SH3GLB2: variants seen among roughly 807,000 people sequenced by gnomAD.
SH3GLB2 encodes the protein endophilin-B2.
A neutral mutation model predicts 48.0 loss-of-function variants in SH3GLB2; 24 were observed. The observed-to-expected ratio is 0.50, with a 90% confidence interval of 0.36 to 0.70. SH3GLB2 has a LOEUF of 0.70. Among genes scored for constraint, SH3GLB2 ranks in the 30% least tolerant of loss-of-function variants. The probability of loss-of-function intolerance (pLI) is 0.00; values close to 1 mark genes in which losing one functional copy is unlikely to be tolerated. For synonymous variants in SH3GLB2, 227 were observed against 207.6 expected (o/e 1.09, Z -0.80); for missense variants, 425 against 516.0 (o/e 0.82, Z 1.71).
Position 129,016,694 on chromosome 9 carries a change from G to A in SH3GLB2, c.335-1790C>T, listed in dbSNP as rs1400119187. On this transcript the variant is annotated intron_variant, in intron 3 of 10. Coordinates refer to ENST00000372564, the MANE Select transcript of SH3GLB2 (RefSeq NM_020145.4). ...TTAAATTTAAAGACATGAATGGGCT[G>A]AAAAAAGTACACCATGTATGCAGTA... Among the ~76,000 whole-genome samples the A allele has an allele frequency of 2.0e-5, 3 of 151,896 alleles. No individual in the cohort carries two copies. In the East Asian group the frequency reaches 5.8e-4, roughly 29 times the overall value.
rs1234504167 is a variant in SH3GLB2 at position 129,014,430 on chromosome 9, G to T, written c.542C>A (p.Ala181Asp). The T allele has an allele frequency of 1.9e-6, 3 of 1,550,056 alleles. No homozygotes were observed. In the East Asian group the frequency reaches 7.3e-5, roughly 38 times the overall value. Reference protein sequence around the residue: ...ACKARLKKAKAAEAKATTVPD... With the variant: ...ACKARLKKAKDAEAKATTVPD... ...ACCTACCGTGGCTTTGGCTTCTGCA[G>T]CCTTGGCCTTCTTCAGCCTCGCTTT... is the stretch of plus-strand genomic sequence containing the variant. Residue 181 changes from alanine (A) to aspartate (D), a missense_variant, in exon 5 of 11, where the codon GCT (alanine) becomes GAT (aspartate). Transcript: ENST00000372564. This position sits in a 1 kb window ranked among gnomAD's most constrained non-coding sequence, Gnocchi z 4.1.
chr9:129,019,806 T>C (rs567493957), intron 3 of SH3GLB2, among the ~76,000 whole-genome samples: 5 of 150,644 alleles, frequency 3.3e-5, no homozygotes, highest in African/African-American at 1.2e-4. Flanking sequence ...ACACATAATA[T>C]ATAGCTTATA....
chr9:129,011,808 C>G lies in SH3GLB2; in HGVS notation c.624+428G>C. On this transcript the variant is annotated intron_variant, in intron 6 of 10. Transcript: ENST00000372564. The surrounding 1 kb of genome is among the most constrained non-coding windows in gnomAD (Gnocchi z 4.5). The stretch of plus-strand genomic sequence containing the variant: ...CCCCAGGCGCTCTCCAGGCCTACGA[C>G]GCCATCCCTGCCTCCTGTCTTTAGG... 6.1e-6 allele frequency: 1 copy of G among 165,086 alleles called. No homozygotes were observed. The highest frequency in any genetic ancestry group is 1.3e-5 in the Non-Finnish European group (1 of 76,940). 10.2% of individuals were successfully genotyped at this position (165,086 alleles called of 1,614,324 possible). A position where few individuals can be genotyped will look rare whatever the true frequency, so the allele number is the denominator to read the frequency against.
rs997934700 is a variant in SH3GLB2, at chr9:129,014,581, C to A, written c.469-78G>T. The A allele has an allele frequency of 4.7e-6, 7 of 1,498,972 alleles. No individual in the cohort carries two copies. The African/African-American group carries it at 9.7e-5, about 21-fold the overall frequency. 92.9% of individuals were successfully genotyped at this position (1,498,972 alleles called of 1,614,324 possible). ...TGAGCCATGCATGGCAAGATTGGTGCCGGGGACGATCAAGTCAAGATAGGG... is the reference window on the plus strand; with the variant it reads ...TGAGCCATGCATGGCAAGATTGGTGACGGGGACGATCAAGTCAAGATAGGG... On this transcript the variant is annotated intron_variant, in intron 4 of 10. Coordinates refer to ENST00000372564, the MANE Select transcript of SH3GLB2 (RefSeq NM_020145.4). The surrounding 1 kb of genome is among the most constrained non-coding windows in gnomAD (Gnocchi z 4.1).
In SH3GLB2 at chr9:129,009,814, G is replaced by A; in HGVS notation, c.796C>T (p.Gln266Ter). ...AAGTCCAGCATGTGGCGGTAGCACT[G>A]TGCGTAGTAGGTTGTCTGAGACTTG... ...FVKSQTTYYA[Q>*]CYRHMLDLQK... The change falls in exon 9 of 11, where the codon CAG becomes TAG. Residue 266 changes from glutamine (Q) to a stop codon, truncating the protein, a stop_gained. Transcript: ENST00000372564. LOFTEE classifies it high-confidence loss of function. 2 of 1,614,040 alleles carry A rather than the reference G, an allele frequency of 1.2e-6. No homozygotes were observed. The highest frequency in any genetic ancestry group is 8.5e-7 in the Non-Finnish European group (1 of 1,179,966).
intron 1 of SH3GLB2, among the ~76,000 whole-genome samples, chr9:129,027,564 TC>T (rs895102612): frequency 2.6e-5 from 4 of 151,876 alleles, no homozygotes; most frequent in African/African-American, 9.7e-5. Flanking sequence ...GAAACAGACC[TC>T]CCGTGGAGCA....
rs757138953 is a variant in SH3GLB2 at position 129,022,285 on chromosome 9, G to C, written c.202C>G (p.Pro68Ala). 47 of 1,613,536 alleles carry C rather than the reference G, an allele frequency of 2.9e-5. No individual in the cohort carries two copies. Among genetic ancestry groups the C allele is most frequent in the Middle Eastern group, 3.4e-4 (2 of 5,862 alleles). Reference protein sequence around the residue: ...RQTEVLLQPNPSARVEEFLYE... With the variant: ...RQTEVLLQPNASARVEEFLYE... The stretch of plus-strand genomic sequence containing the variant: ...GGGCCCACGAACACGCACTCACTGG[G>C]GTTGGGCTGCAGCAGCACCTCTGTC... The change falls in exon 2 of 11, where the codon CCC becomes GCC. Residue 68 changes from proline to alanine, a missense_variant. Transcript: ENST00000372564.
At position 129,008,436 on chromosome 9, in the gene SH3GLB2, G is replaced by T; in HGVS notation, c.*248C>A. On this transcript the variant is annotated 3_prime_UTR_variant, in exon 11 of 11. Transcript: ENST00000372564. The stretch of plus-strand genomic sequence containing the variant: ...CCCTCCCTCCTTAGTGGAGCCTGGA[G>T]GGTGGGGTGCTCGGGGATGCAGGCA... The T allele has an allele frequency of 2.1e-6, 1 of 468,302 alleles. No individual in the cohort carries two copies. Among genetic ancestry groups the T allele is most frequent in the Non-Finnish European group, 4.0e-6 (1 of 252,396 alleles). 29.0% of individuals were successfully genotyped at this position (468,302 alleles called of 1,614,324 possible). A position where few individuals can be genotyped will look rare whatever the true frequency, so the allele number is the denominator to read the frequency against.
intron 6 of SH3GLB2, chr9:129,012,003 G>A (rs1843151830): frequency 2.5e-6 from 1 of 393,394 alleles, no homozygotes; most frequent in Non-Finnish European, 4.5e-6. Flanking sequence ...GCCAGCTCCA[G>A]CGTTTTGCAG....
chr9:129,009,243 CCACAGA>C lies in SH3GLB2; in HGVS notation c.937_942del (p.Ser313_Val314del). On this transcript the variant is annotated inframe_deletion, in exon 10 of 11. Coordinates refer to ENST00000372564, the MANE Select transcript of SH3GLB2 (RefSeq NM_020145.4). ...GCCTCCCCCGGAGGGGCCAGGCTGG[CCACAGA>C]GGGCACCACAGGCATAGTGGCCGCA... 1 of 1,592,778 alleles carries C rather than the reference CCACAGA, an allele frequency of 6.3e-7. No individual in the cohort carries two copies. The highest frequency in any genetic ancestry group is 2.3e-5 in the East Asian group (1 of 44,162).
At chr9:129,015,743 T>G (rs1265339495) in intron 3 of SH3GLB2, 1 of 220,102 alleles carries the variant, frequency 4.5e-6, no homozygotes, top group African/African-American at 2.3e-5. Flanking sequence ...CTCACACCTG[T>G]AATCCCAATA....
rs912832181 is a variant in SH3GLB2 at position 129,011,912 on chromosome 9, C to T, written c.624+324G>A. On this transcript the variant is annotated intron_variant, in intron 6 of 10. Coordinates refer to ENST00000372564, the MANE Select transcript of SH3GLB2 (RefSeq NM_020145.4). The surrounding 1 kb of genome is among the most constrained non-coding windows in gnomAD (Gnocchi z 4.5). The stretch of plus-strand genomic sequence containing the variant: ...CTCCCCAGGGCCTGGCATTCAGAGA[C>T]AGCAGGAGGTGGAGGGGCCCTGGGG... The T allele has an allele frequency of 1.3e-5, 4 of 303,540 alleles. No homozygotes were observed. The highest frequency in any genetic ancestry group is 5.1e-5 in the Admixed American group (1 of 19,554). The allele number at this position is 303,540 out of a possible 1,614,324, so 18.8% of individuals were successfully genotyped here. A position where few individuals can be genotyped will look rare whatever the true frequency, so the allele number is the denominator to read the frequency against.
chr9:129,009,737 G>T, intron 9 of SH3GLB2, 34 bp downstream of exon 9: 1 of 1,585,336 alleles, frequency 6.3e-7, no homozygotes, highest in Middle Eastern at 1.7e-4. Context: ...GGAGCCAGGG[G>T]GCCCCAGTGG....
chr9:129,023,912 C>A (rs568359379), intron 1 of SH3GLB2, among the ~76,000 whole-genome samples: 3 of 152,006 alleles, frequency 2.0e-5, no homozygotes, highest in Non-Finnish European at 4.4e-5. Context: ...CAGATTTCCT[C>A]GTGGCTCTAT....
At chr9:129,021,013 TA>T (rs898677708) in intron 3 of SH3GLB2, 77 bp downstream of exon 3, 34 of 1,324,914 alleles carry the variant, frequency 2.6e-5, no homozygotes, top group Middle Eastern at 2.7e-4. Flanking sequence ...TTTTTTTAAG[TA>T]AAAAAAAGGA....
At chr9:129,008,959 C>T in intron 10 of SH3GLB2, 147 bp downstream of exon 10, 1 of 1,396,560 alleles carries the variant, frequency 7.2e-7, no homozygotes, top group African/African-American at 1.4e-5. Context: ...AGCAAGGATC[C>T]TTTCCTCAGA....
At chr9:129,025,173 G>A (rs1193497062) in intron 1 of SH3GLB2, among the ~76,000 whole-genome samples, 1 of 151,804 alleles carries the variant, frequency 6.6e-6, no homozygotes, top group Non-Finnish European at 1.5e-5. Flanking sequence ...CTACTCGGGA[G>A]GCTGAGGCAG....
chr9:129,027,011 T>C (rs1844201936), intron 1 of SH3GLB2, among the ~76,000 whole-genome samples: 1 of 152,012 alleles, frequency 6.6e-6, no homozygotes, highest in South Asian at 2.1e-4. Context: ...GAGAGAACTG[T>C]ACTCAACAGA....
intron 8 of SH3GLB2, 111 bp downstream of exon 8, chr9:129,010,009 G>T: frequency 7.2e-7 from 1 of 1,379,718 alleles, no homozygotes; most frequent in Non-Finnish European, 1.0e-6. Context: ...CCTCCCCGGT[G>T]GGACTTGCTC....
Sources: gnomAD v4.1 joint callset for allele counts (sites outside exome capture counted in the v4.1 genomes callset) on GRCh38, gnomAD v4.1.1 for gene constraint, Gnocchi (gnomAD v3.1) non-coding constraint, MANE v1.5 for transcripts, NCBI Gene and HGNC (gene_info 2026-07-23, HGNC 2026-07-21) for gene names.